Variants in CCDC77 observed in about 807,000 individuals in gnomAD.
CCDC77 encodes coiled-coil domain containing 77.
CCDC77 carries 56 observed loss-of-function variants against 66.8 expected under a neutral mutation model. The observed-to-expected ratio is 0.84, with a 90% CI of 0.68 to 1.05. The LOEUF (loss-of-function observed/expected upper bound fraction) is 1.05. Ranked by LOEUF, CCDC77 falls within the 50% of genes least tolerant of loss-of-function variation. The pLI, the probability that CCDC77 is intolerant of heterozygous loss-of-function variation, is 0.00. For synonymous variants in CCDC77, 196 were observed against 195.2 expected (o/e 1.00, Z -0.03); for missense variants, 570 against 576.8 (o/e 0.99, Z 0.12).
intron 4 of CCDC77, among the ~76,000 whole-genome samples, chr12:415,959 C>G (rs1945248364): frequency 6.6e-6 from 1 of 151,928 alleles, no homozygotes; most frequent in Non-Finnish European, 1.5e-5. Context: ...GCGCCCACCA[C>G]CATGCCCGGC....
Position 433,302 on chromosome 12 carries a change from A to C in CCDC77, c.801A>C (p.Lys267Asn), listed in dbSNP as rs769451031. The C allele has an allele frequency of 6.2e-7, 1 of 1,613,958 alleles. No individual in the cohort carries two copies. The highest frequency in any genetic ancestry group is 8.5e-7 in the Non-Finnish European group (1 of 1,179,998). Reference sequence around the variant, plus strand: ...TTCAGCACCAGAGAAATCAGAACAAAATCAAAGAGCTAACCAAAAAGTGAG... The same window carrying C: ...TTCAGCACCAGAGAAATCAGAACAACATCAAAGAGCTAACCAAAAAGTGAG... ...IQVQHQRNQN[K>N]IKELTKNLHH... The change falls in exon 9 of 13, where the codon AAA becomes AAC. Residue 267 changes from lysine to asparagine, a missense_variant. Coordinates refer to ENST00000239830, the MANE Select transcript of CCDC77 (RefSeq NM_032358.4).
intron 4 of CCDC77, 31 bp downstream of exon 4, chr12:412,009 C>T (rs371701096): frequency 1.4e-5 from 21 of 1,492,226 alleles, no homozygotes; most frequent in Non-Finnish European, 1.9e-5. Flanking sequence ...CTTTAGAACT[C>T]TGATGGAGTC....
chr12:440,046 T>C (rs1299611648), intron 10 of CCDC77, among the ~76,000 whole-genome samples: 1 of 152,136 alleles, frequency 6.6e-6, no homozygotes, highest in Admixed American at 6.5e-5. Flanking sequence ...AAGGCTGTCA[T>C]CATGGTTGTA....
At chr12:432,323 A>G (rs1036798472) in intron 8 of CCDC77, among the ~76,000 whole-genome samples, 2 of 152,188 alleles carry the variant, frequency 1.3e-5, no homozygotes, top group African/African-American at 4.8e-5. Context: ...CTTAGGTTCC[A>G]AAGTCTAGGA....
At chr12:399,392 G>A (rs778146504), upstream of CCDC77, among the ~76,000 whole-genome samples, 2 of 151,848 alleles carry the variant, frequency 1.3e-5, no homozygotes, top group African/African-American at 2.4e-5. Context: ...GGCTGGTCTC[G>A]ATCTCCTGAC....
At chr12:392,531 G>T (rs1944769277) in intron 1 of CCDC77, among the ~76,000 whole-genome samples, 1 of 152,072 alleles carries the variant, frequency 6.6e-6, no homozygotes, top group South Asian at 2.1e-4. Context: ...ATCACTTGAG[G>T]TTAGGAGTTC....
chr12:434,699 A>G (rs930529921), intron 9 of CCDC77, among the ~76,000 whole-genome samples: 2 of 152,128 alleles, frequency 1.3e-5, no homozygotes, highest in Admixed American at 6.5e-5. Flanking sequence ...TTCAGTCCTT[A>G]TTATACTTAG....
chr12:419,402 A>G (rs1945353036), intron 5 of CCDC77, among the ~76,000 whole-genome samples: 1 of 152,236 alleles, frequency 6.6e-6, no homozygotes, highest in Non-Finnish European at 1.5e-5. Context: ...TCATAGCAGT[A>G]CACTACATGT....
intron 7 of CCDC77, 34 bp downstream of exon 7, chr12:430,770 C>T (rs375065602): frequency 2.2e-5 from 34 of 1,522,336 alleles, no homozygotes; most frequent in African/African-American, 4.1e-5. Context: ...AAATTCTCAT[C>T]AATGCAGAAT....
intron 4 of CCDC77, among the ~76,000 whole-genome samples, chr12:415,358 AT>A (rs1945214625): frequency 3.5e-5 from 4 of 113,438 alleles, no homozygotes; most frequent in Non-Finnish European, 7.8e-5. Flanking sequence ...TCAACATAAT[AT>A]TATGTTAATA....
At chr12:441,107 T>A in intron 12 of CCDC77, 111 bp downstream of exon 12, 2 of 1,108,762 alleles carry the variant, frequency 1.8e-6, no homozygotes, top group Non-Finnish European at 2.6e-6. Flanking sequence ...TGGTAAACAC[T>A]AACAGATCAC....
intron 5 of CCDC77, 94 bp from the exon 6 acceptor site, chr12:428,675 T>TAAA: frequency 3.6e-5 from 24 of 666,082 alleles, no homozygotes; most frequent in East Asian, 1.0e-4. Context: ...ACAATTGTTT[T>TAAA]AAAAAAAAAA....
chr12:409,997 CAAA>C (rs1263986778), intron 3 of CCDC77, among the ~76,000 whole-genome samples: 4 of 96,006 alleles, frequency 4.2e-5, no homozygotes, highest in African/African-American at 3.9e-5. Context: ...GACTCCATCT[CAAA>C]AAAAAAAAAA....
intron 4 of CCDC77, among the ~76,000 whole-genome samples, chr12:416,637 C>A (rs772312120): frequency 3.3e-5 from 5 of 149,274 alleles, no homozygotes; most frequent in Non-Finnish European, 7.4e-5. Context: ...TGGTCTTGAA[C>A]TCGTGGCCTC....
At chr12:397,653 C>CTT (rs879333427), upstream of CCDC77, among the ~76,000 whole-genome samples, 1 of 146,346 alleles carries the variant, frequency 6.8e-6, no homozygotes, top group Non-Finnish European at 1.5e-5. Flanking sequence ...ATTTAAAATG[C>CTT]TTTTTTTTTT....
intron 9 of CCDC77, among the ~76,000 whole-genome samples, chr12:437,580 T>C (rs1482878876): frequency 1.3e-5 from 2 of 152,060 alleles, no homozygotes; most frequent in Admixed American, 6.6e-5. Flanking sequence ...TGGTTCACAC[T>C]TGTAATCCCA....
chr12:429,042 T>C (rs1201120037), intron 6 of CCDC77, among the ~76,000 whole-genome samples, 177 bp downstream of exon 6: 1 of 152,208 alleles, frequency 6.6e-6, no homozygotes, highest in Non-Finnish European at 1.5e-5. Flanking sequence ...GAAGTAGCAT[T>C]ATTTACCCCA....
intron 1 of CCDC77, among the ~76,000 whole-genome samples, chr12:393,382 C>A (rs560680295): frequency 9.7e-4 from 148 of 152,118 alleles, no homozygotes; most frequent in African/African-American, 3.4e-3. Context: ...CAAAGTGCTG[C>A]GATTACAGGC....
intron 4 of CCDC77, among the ~76,000 whole-genome samples, chr12:412,607 CAAG>C (rs1357757570): frequency 6.6e-6 from 1 of 152,190 alleles, no homozygotes; most frequent in Admixed American, 6.5e-5. Flanking sequence ...CTGTGACAAT[CAAG>C]AATCTCTCCA....
Sources: gnomAD v4.1 joint callset for allele counts (sites outside exome capture counted in the v4.1 genomes callset) on GRCh38, gnomAD v4.1.1 for gene constraint, MANE v1.5 for transcripts, NCBI Gene and HGNC (gene_info 2026-07-23, HGNC 2026-07-21) for gene names.